DCLK1: variants seen among roughly 807,000 people sequenced by gnomAD.
The protein encoded by DCLK1 is serine/threonine-protein kinase DCLK1.
A neutral mutation model predicts 86.2 loss-of-function variants in DCLK1; 16 were observed. That is an observed-to-expected ratio of 0.19 (90% CI 0.13 to 0.28). The LOEUF (loss-of-function observed/expected upper bound fraction) is 0.28, where lower values mean the gene tolerates loss of function less well. Ranked by LOEUF, DCLK1 falls within the 10% of genes least tolerant of loss-of-function variation. DCLK1 has a pLI of 1.00. For missense variants in DCLK1, 590 were observed against 940.2 expected, an observed-to-expected ratio of 0.63 and a Z score of 4.87; for synonymous variants, 369 against 370.5, an observed-to-expected ratio of 1.00 and a Z score of 0.05.
intron 3 of DCLK1, among the ~76,000 whole-genome samples, chr13:36,041,099 A>ATT (rs1201595736): frequency 1.3e-5 from 2 of 152,124 alleles, no homozygotes; most frequent in African/African-American, 4.8e-5. Flanking sequence ...CAGGTATTAT[A>ATT]TGTGTTCATT....
intron 5 of DCLK1, among the ~76,000 whole-genome samples, chr13:35,860,064 T>C (rs1310302636): frequency 2.0e-5 from 3 of 152,196 alleles, no homozygotes; most frequent in African/African-American, 7.2e-5. Context: ...TGTCTTCTTT[T>C]AGCACTTAAG....
At chr13:35,882,074 T>G (rs546319920) in intron 4 of DCLK1, among the ~76,000 whole-genome samples, 1 of 152,300 alleles carries the variant, frequency 6.6e-6, no homozygotes, top group South Asian at 2.1e-4. Flanking sequence ...TGCTCACAAT[T>G]CTAGAGGCCA....
intron 3 of DCLK1, among the ~76,000 whole-genome samples, chr13:36,038,187 A>G (rs1371092083): frequency 6.6e-6 from 1 of 152,214 alleles, no homozygotes; most frequent in African/African-American, 2.4e-5. Flanking sequence ...AAGCTCAGTG[A>G]CTTGTTACCT....
chr13:36,066,439 G>A (rs574961982), intron 3 of DCLK1, among the ~76,000 whole-genome samples: 1 of 152,308 alleles, frequency 6.6e-6, no homozygotes, highest in South Asian at 2.1e-4. Context: ...TAAGAAACAA[G>A]ATATTGTTTG....
intron 6 of DCLK1, among the ~76,000 whole-genome samples, chr13:35,853,184 A>C (rs1188373983): frequency 6.6e-6 from 1 of 152,228 alleles, no homozygotes; most frequent in Non-Finnish European, 1.5e-5. Context: ...TCCAAATTAG[A>C]CTGTGGCCAA....
chr13:36,084,165 A>G (rs1386059876), intron 3 of DCLK1, among the ~76,000 whole-genome samples: 1 of 152,192 alleles, frequency 6.6e-6, no homozygotes, highest in East Asian at 1.9e-4. Flanking sequence ...CAGAAATGTC[A>G]GTAAACATCC....
intron 3 of DCLK1, among the ~76,000 whole-genome samples, chr13:36,101,954 G>C (rs1018736594): frequency 2.6e-5 from 4 of 152,022 alleles, no homozygotes; most frequent in African/African-American, 9.7e-5. Context: ...TGTTGGCCAG[G>C]CTGGTCTCGA....
intron 11 of DCLK1, among the ~76,000 whole-genome samples, chr13:35,813,003 A>G (rs2087180781): frequency 6.6e-6 from 1 of 152,234 alleles, no homozygotes; most frequent in Non-Finnish European, 1.5e-5. Flanking sequence ...TTCTTAGGCA[A>G]AAGAAAACCC....
chr13:36,130,986 G>C (rs1430477128), intron 1 of DCLK1, 128 bp downstream of exon 1: 1 of 151,208 alleles, frequency 6.6e-6, no homozygotes, highest in African/African-American at 2.4e-5. Context: ...CTGCGGGCGG[G>C]GCGGCGGGGC....
chr13:35,893,580 TCA>T (rs1386119546), intron 4 of DCLK1, among the ~76,000 whole-genome samples: 2 of 152,164 alleles, frequency 1.3e-5, no homozygotes, highest in African/African-American at 4.8e-5. Context: ...CTGTGACAGG[TCA>T]CAGTCAAAAT....
At chr13:35,893,247 T>A (rs1048222515) in intron 4 of DCLK1, among the ~76,000 whole-genome samples, 2 of 152,194 alleles carry the variant, frequency 1.3e-5, no homozygotes, top group Non-Finnish European at 2.9e-5. Flanking sequence ...AGATTTGAAA[T>A]ATTCCTGCTG....
At chr13:36,017,777 C>T (rs1033309617) in intron 3 of DCLK1, among the ~76,000 whole-genome samples, 4 of 152,144 alleles carry the variant, frequency 2.6e-5, no homozygotes, top group African/African-American at 7.2e-5. Flanking sequence ...AAAGCAGCCG[C>T]ATTTTATTTC....
chr13:35,879,181 G>C (rs1872745592), intron 4 of DCLK1, among the ~76,000 whole-genome samples: 1 of 152,194 alleles, frequency 6.6e-6, no homozygotes, highest in South Asian at 2.1e-4. Context: ...CTTAACTGGA[G>C]AGTAAAGTCC....
At chr13:36,021,823 T>C (rs1211380314) in intron 3 of DCLK1, among the ~76,000 whole-genome samples, 1 of 151,992 alleles carries the variant, frequency 6.6e-6, no homozygotes, top group Non-Finnish European at 1.5e-5. Flanking sequence ...TACTGTACTT[T>C]CAAATAATAG....
intron 16 of DCLK1, among the ~76,000 whole-genome samples, chr13:35,790,869 C>A (rs1346207667): frequency 6.6e-6 from 1 of 151,874 alleles, no homozygotes; most frequent in African/African-American, 2.4e-5. Context: ...TGTGATAGTC[C>A]CCTGATAGTC....
chr13:35,873,385 C>A (rs959233931), intron 4 of DCLK1, among the ~76,000 whole-genome samples: 2 of 149,964 alleles, frequency 1.3e-5, no homozygotes, highest in African/African-American at 2.4e-5. Context: ...ACAAATTGTA[C>A]TTTTTTTTTT....
At chr13:36,110,340 AC>A (rs1885566755) in intron 3 of DCLK1, among the ~76,000 whole-genome samples, 1 of 152,154 alleles carries the variant, frequency 6.6e-6, no homozygotes, top group African/African-American at 2.4e-5. Context: ...AATATAGAAG[AC>A]TAAGTCTCAT....
At chr13:36,103,991 A>G (rs1262470205) in intron 3 of DCLK1, among the ~76,000 whole-genome samples, 1 of 152,230 alleles carries the variant, frequency 6.6e-6, no homozygotes, top group African/African-American at 2.4e-5. Context: ...ACAAAATGAA[A>G]GTGCTTTCAA....
At chr13:35,812,721 G>C (rs1291698435) in intron 11 of DCLK1, among the ~76,000 whole-genome samples, 1 of 152,188 alleles carries the variant, frequency 6.6e-6, no homozygotes, top group Non-Finnish European at 1.5e-5. Flanking sequence ...CTCATAGCAT[G>C]GAGTCTTATT....
Sources: gnomAD v4.1 joint callset for allele counts (sites outside exome capture counted in the v4.1 genomes callset) on GRCh38, gnomAD v4.1.1 for gene constraint, MANE v1.5 for transcripts, NCBI Gene and HGNC (gene_info 2026-07-23, HGNC 2026-07-21) for gene names.